The following ERI1 variants were observed in gnomAD, a reference collection of about 807,000 sequenced individuals.
The protein encoded by ERI1 is exoribonuclease 1, also known as 3'-5' exoribonuclease 1.
In ERI1, 39 loss-of-function variants were observed where a neutral mutation model predicts 39.7. The ratio of observed to expected loss-of-function variants is 0.98; its 90% CI spans 0.76 to 1.28. The LOEUF (loss-of-function observed/expected upper bound fraction) is 1.28, where lower values mean the gene tolerates loss of function less well. Among genes scored for constraint, ERI1 ranks in the 50% most tolerant of loss-of-function variants. The pLI, the probability that ERI1 is intolerant of heterozygous loss-of-function variation, is 0.00. For synonymous variants in ERI1, 204 were observed against 149.6 expected, an observed-to-expected ratio of 1.36 and a Z score of -2.65; for missense variants, 581 against 416.9, an observed-to-expected ratio of 1.39 and a Z score of -3.43.
At chr8:9,018,142 G>C (rs1466633923) in intron 4 of ERI1, among the ~76,000 whole-genome samples, 155 bp from the exon 5 acceptor site, 1 of 152,172 alleles carries the variant, frequency 6.6e-6, no homozygotes, top group Non-Finnish European at 1.5e-5. Context: ...TCTTAAAAAT[G>C]AAACTTTAGG....
intron 1 of ERI1, 134 bp downstream of exon 1, chr8:9,003,305 G>A (rs1001394473): frequency 2.1e-6 from 1 of 476,112 alleles, no homozygotes; most frequent in Non-Finnish European, 3.4e-6. Flanking sequence ...CTTCCTCGGT[G>A]CCCAGCTCCC....
At chr8:9,094,195 C>G (rs1799798917) in intron 3 of ERI1, among the ~76,000 whole-genome samples, 3 of 152,142 alleles carry the variant, frequency 2.0e-5, no homozygotes, top group African/African-American at 7.2e-5. Flanking sequence ...TACGGTGTTT[C>G]TTGACAAGCT....
Position 9,033,188 on chromosome 8 carries a change from C to T in ERI1, c.*3154C>T, listed in dbSNP as rs566777249. 24 of 65,802 alleles carry T rather than the reference C, an allele frequency of 3.6e-4. No homozygotes were observed. The highest frequency in any genetic ancestry group is 1.5e-3 in the African/African-American group (24 of 16,048). 4.1% of individuals were successfully genotyped at this position (65,802 alleles called of 1,614,324 possible). On this transcript the variant is annotated 3_prime_UTR_variant, in exon 7 of 7. Coordinates refer to ENST00000250263, the MANE Select transcript of ERI1 (RefSeq NM_153332.4). ...TCTAGAGCAGGGGTCAGCAAACTAC[C>T]ACCCATGGGCCAAATCTGGCTGCTG...
At chr8:9,049,545 T>TAA (rs35232157) in intron 3 of ERI1, among the ~76,000 whole-genome samples, 42 of 147,764 alleles carry the variant, frequency 2.8e-4, no homozygotes, top group African/African-American at 8.0e-4. Flanking sequence ...ATTTTGACTT[T>TAA]AAAAAAAAAA....
chr8:9,040,734 G>T (rs915927844), intron 3 of ERI1, among the ~76,000 whole-genome samples: 66 of 150,558 alleles, frequency 4.4e-4, no homozygotes, highest in African/African-American at 1.1e-3. Context: ...GTGTGTGGGG[G>T]GGGGGTGTGT....
In ERI1 at chr8:9,030,179, T is replaced by A; in HGVS notation, c.*145T>A. 1 of 1,087,674 alleles carries A rather than the reference T, an allele frequency of 9.2e-7. No individual in the cohort carries two copies. Among genetic ancestry groups the A allele is most frequent in the Non-Finnish European group, 1.3e-6 (1 of 778,334 alleles). 67.4% of individuals were successfully genotyped at this position (1,087,674 alleles called of 1,614,324 possible). ...TACAGGTGATAGAGATAGATACATG[T>A]ATGTGAACAGATTTTGTAGGAAGGC... On this transcript the variant is annotated 3_prime_UTR_variant, in exon 7 of 7. Transcript: ENST00000250263.
intron 3 of ERI1, among the ~76,000 whole-genome samples, chr8:9,044,833 C>T (rs1798127999): frequency 6.6e-6 from 1 of 152,114 alleles, no homozygotes; most frequent in African/African-American, 2.4e-5. Flanking sequence ...CCTTGACTCT[C>T]ACCCTGACCT....
At chr8:9,013,248 C>G (rs916985330) in intron 3 of ERI1, among the ~76,000 whole-genome samples, 1 of 150,584 alleles carries the variant, frequency 6.6e-6, no homozygotes, top group Admixed American at 6.6e-5. Flanking sequence ...CTCCTGAGCT[C>G]AGGCAATCCA....
At chr8:9,087,747 G>A (rs1799576046) in intron 3 of ERI1, among the ~76,000 whole-genome samples, 1 of 152,140 alleles carries the variant, frequency 6.6e-6, no homozygotes, top group African/African-American at 2.4e-5. Flanking sequence ...CCATGCAGCT[G>A]GGTGGGAGCA....
intron 3 of ERI1, among the ~76,000 whole-genome samples, chr8:9,047,942 A>G (rs976950233): frequency 6.6e-6 from 1 of 152,236 alleles, no homozygotes; most frequent in Non-Finnish European, 1.5e-5. Context: ...AAACAAGTCC[A>G]AGAGGGAGAT....
chr8:9,074,960 A>G (rs918039590), intron 3 of ERI1, among the ~76,000 whole-genome samples: 5 of 152,128 alleles, frequency 3.3e-5, no homozygotes, highest in African/African-American at 1.2e-4. Flanking sequence ...GTGAGGTGAC[A>G]CAGAAGAGCG....
intron 3 of ERI1, among the ~76,000 whole-genome samples, chr8:9,052,548 A>G (rs186488417): frequency 6.6e-6 from 1 of 152,294 alleles, no homozygotes; most frequent in East Asian, 1.9e-4. Context: ...TGAACGAATC[A>G]AGGAACATGC....
chr8:9,013,383 A>C (rs1022685200), intron 3 of ERI1, among the ~76,000 whole-genome samples: 2 of 150,028 alleles, frequency 1.3e-5, no homozygotes, highest in African/African-American at 4.9e-5. Flanking sequence ...CTTTCCTTGG[A>C]GCATTTTCTT....
At chr8:9,028,922 CCAATAAT>C (rs1429269430) in intron 6 of ERI1, among the ~76,000 whole-genome samples, 1 of 151,366 alleles carries the variant, frequency 6.6e-6, no homozygotes, top group African/African-American at 2.4e-5. Context: ...CCACACCCAG[CCAATAAT>C]TCTTAAAAGT....
In ERI1 at chr8:9,098,241, C is replaced by T. The variant is rs575707121; in HGVS notation, n.300-18107C>T. On this transcript the variant is annotated intron_variant and non_coding_transcript_variant, in intron 3 of 3. Transcript: ENST00000518663. ...TCTACTAAAAATACAAATAATTGGC[C>T]GAGCGCAGTGGCTCACGCCTGTAAT... is the stretch of plus-strand genomic sequence containing the variant. Among the ~76,000 whole-genome samples the T allele has an allele frequency of 6.5e-3, 985 of 152,006 alleles. 9 individuals carry two copies. Among genetic ancestry groups the T allele is most frequent in the South Asian group, 0.033 (160 of 4,790 alleles).
At chr8:9,067,910 G>A in intron 3 of ERI1, among the ~76,000 whole-genome samples, 1 of 148,358 alleles carries the variant, frequency 6.7e-6, no homozygotes, top group Non-Finnish European at 1.5e-5. Context: ...AGCACAGAGA[G>A]TTATGCTACA....
chr8:9,091,165 G>A (rs1799689990), intron 3 of ERI1: 1 of 152,024 alleles, frequency 6.6e-6, no homozygotes, highest in Non-Finnish European at 1.5e-5. Context: ...TCTCCCTGTC[G>A]GCCCTTCTTC....
intron 3 of ERI1, among the ~76,000 whole-genome samples, chr8:9,057,427 A>G (rs751613830): frequency 1.3e-4 from 20 of 152,204 alleles, no homozygotes; most frequent in Non-Finnish European, 2.1e-4. Context: ...AACAACTCCA[A>G]TCGCCACCTA....
At position 9,011,551 on chromosome 8, in the gene ERI1, G is replaced by C; in HGVS notation, c.297G>C (p.Lys99Asn). 6.2e-7 allele frequency: 1 copy of C among 1,605,332 alleles called. No individual in the cohort carries two copies. Among genetic ancestry groups the C allele is most frequent in the Non-Finnish European group, 8.5e-7 (1 of 1,175,604 alleles). ...SEFKLETRGV[K>N]DVLKKRLKNY... ...TTCTTCTTCTACTTAGAGGAGTAAA[G>C]GATGTTCTAAAGAAGAGACTGAAAA... Residue 99 changes from lysine (K) to asparagine (N), a missense_variant, in exon 3 of 7, where the codon AAG becomes AAC. By Grantham distance (94) the Lys-to-Asn change is moderately conservative. Coordinates refer to ENST00000250263, the MANE Select transcript of ERI1 (RefSeq NM_153332.4).
Sources: allele counts gnomAD v4.1 joint callset (sites outside exome capture counted in the v4.1 genomes callset), GRCh38; gene constraint gnomAD v4.1.1; transcripts MANE v1.5; gene names NCBI Gene and HGNC (gene_info 2026-07-23, HGNC 2026-07-21).